The following NTN4 variants were observed in gnomAD, a reference collection of about 807,000 sequenced individuals.
The protein encoded by NTN4 is netrin 4.
A neutral mutation model predicts 73.6 loss-of-function variants in NTN4; 32 were observed. The observed-to-expected ratio is 0.44, with a 90% CI of 0.33 to 0.58. The LOEUF (loss-of-function observed/expected upper bound fraction) is 0.58, where lower values mean the gene tolerates loss of function less well. Ranked by LOEUF, NTN4 falls within the 20% of genes least tolerant of loss-of-function variation. The pLI is 0.04. For synonymous variants in NTN4, 258 were observed against 287.5 expected (o/e 0.90, Z 1.04); for missense variants, 654 against 798.3 (o/e 0.82, Z 2.18).
Position 95,659,150 on chromosome 12 carries a change from A to T in NTN4, c.1823T>A (p.Val608Asp). The change falls in exon 10 of 10, where the codon GTC (valine) becomes GAC (aspartate). Residue 608 changes from valine (V) to aspartate (D), a missense_variant. Val to Asp is a radical substitution (Grantham distance 152). Transcript: ENST00000343702. ...TCCAAGAGAAGGTTTCCAGTGCTGG[A>T]CAAAGCTTTTCATATTCACAATTAG... ...GKLIVNMKSFVQHWKPSLGRK... is the reference protein window; with the variant it reads ...GKLIVNMKSFDQHWKPSLGRK... The T allele has an allele frequency of 6.2e-7, 1 of 1,613,798 alleles. No individual in the cohort carries two copies. Among genetic ancestry groups the T allele is most frequent in the Non-Finnish European group, 8.5e-7 (1 of 1,179,786 alleles).
chr12:95,766,597 C>T (rs1051740132), intron 2 of NTN4, among the ~76,000 whole-genome samples: 9 of 152,178 alleles, frequency 5.9e-5, no homozygotes, highest in African/African-American at 2.2e-4. Context: ...CCTGAACATC[C>T]ATAAATCCTC....
At chr12:95,774,699 T>C (rs769193878) in intron 2 of NTN4, among the ~76,000 whole-genome samples, 13 of 152,258 alleles carry the variant, frequency 8.5e-5, no homozygotes, top group Non-Finnish European at 1.5e-4. Context: ...TCACAAGGTA[T>C]TGAAACACAG....
At chr12:95,720,529 G>A (rs2078639840) in intron 3 of NTN4, among the ~76,000 whole-genome samples, 1 of 152,062 alleles carries the variant, frequency 6.6e-6, no homozygotes, top group Admixed American at 6.6e-5. Context: ...TCCAATAAAC[G>A]TGTATTTTTT....
At position 95,659,116 on chromosome 12, in the gene NTN4, G is replaced by C; in HGVS notation, c.1857C>G (p.Val619=). 1.2e-6 allele frequency: 2 copies of C among 1,613,276 alleles called. No homozygotes were observed. Among genetic ancestry groups the C allele is most frequent in the Non-Finnish European group, 1.7e-6 (2 of 1,179,802 alleles). ...QHWKPSLGRK[V]MDILKRECK ...TGCACTCTCTTTTTAAAATATCCAT[G>C]ACTTTTCTTCCAAGAGAAGGTTTCC... The change falls in exon 10 of 10, where the codon GTC becomes GTG. Residue 619 remains valine (V), a synonymous_variant. Transcript: ENST00000343702.
intron 5 of NTN4, among the ~76,000 whole-genome samples, chr12:95,700,308 C>G (rs12822863): frequency 0.29 from 44,221 of 151,410 alleles, 7,422 homozygotes; most frequent in South Asian, 0.47. Context: ...GACAAGACTG[C>G]TATAAGCAGT....
intron 3 of NTN4, among the ~76,000 whole-genome samples, chr12:95,726,283 T>G (rs1174250460): frequency 2.6e-5 from 4 of 152,312 alleles, no homozygotes; most frequent in East Asian, 1.9e-4. Flanking sequence ...TCATTCCCCC[T>G]TAATTGCTGA....
intron 7 of NTN4, among the ~76,000 whole-genome samples, chr12:95,678,727 C>T (rs1258012988): frequency 6.6e-6 from 1 of 151,940 alleles, no homozygotes; most frequent in African/African-American, 2.4e-5. Context: ...TCCATACATA[C>T]TGGAATCAGT....
intron 5 of NTN4, among the ~76,000 whole-genome samples, chr12:95,702,842 G>GTTT (rs36062868): frequency 3.2e-5 from 4 of 125,570 alleles, no homozygotes; most frequent in East Asian, 2.4e-4. Context: ...GTTTTCAATG[G>GTTT]TTTTTTTTTT....
rs1388867271 is a variant in NTN4, at chr12:95,790,267, C to A, written c.43G>T (p.Val15Leu). ...CGTCACCACCCACCTGCGGCCACCA[C>A]CGTGCAGCCCCAGAGCAGCAGCAGC... ...ARLLLLWGCT[V>L]VAAGLSGVAG... Residue 15 changes from valine to leucine, a missense_variant, in exon 1 of 10, where the codon GTG (valine) becomes TTG (leucine). Transcript: ENST00000343702. The surrounding 1 kb of genome is among the most constrained non-coding windows in gnomAD (Gnocchi z 6.5). 3 of 1,536,452 alleles carry A rather than the reference C, an allele frequency of 2.0e-6. No individual in the cohort carries two copies. In the African/African-American group the frequency reaches 4.2e-5, roughly 22 times the overall value.
At position 95,787,249 on chromosome 12, in the gene NTN4, G is replaced by A. The variant is rs762563540; in HGVS notation, c.275C>T (p.Ser92Phe). 2 of 1,614,218 alleles carry A rather than the reference G, an allele frequency of 1.2e-6. No homozygotes were observed. The highest frequency in any genetic ancestry group is 1.7e-6 in the Non-Finnish European group (2 of 1,180,016). ...AAYPHLAHLP[S>F]AMADSSFRFP... ...CCGGAAGGATGAGTCTGCCATGGCA[G>A]ATGGCAGGTGAGCCAGGTGAGGATA... Residue 92 changes from serine (S) to phenylalanine (F), a missense_variant, in exon 2 of 10, where the codon TCT becomes TTT. Physicochemically the swap from Ser to Phe is radical, Grantham distance 155. Coordinates refer to ENST00000343702, the MANE Select transcript of NTN4 (RefSeq NM_021229.4).
At chr12:95,748,243 A>AG (rs1332263261) in intron 2 of NTN4, among the ~76,000 whole-genome samples, 2 of 149,946 alleles carry the variant, frequency 1.3e-5, no homozygotes, top group African/African-American at 2.4e-5. Context: ...AAAAAAAAAA[A>AG]AAAAAGAAAA....
At chr12:95,685,651 TA>T (rs1459568669) in intron 5 of NTN4, among the ~76,000 whole-genome samples, 1 of 152,226 alleles carries the variant, frequency 6.6e-6, no homozygotes, top group African/African-American at 2.4e-5. Flanking sequence ...TTTTATTGAT[TA>T]TTTTTCCTTT....
chr12:95,774,115 A>G (rs1362476576), intron 2 of NTN4, among the ~76,000 whole-genome samples: 1 of 151,976 alleles, frequency 6.6e-6, no homozygotes, highest in African/African-American at 2.4e-5. Context: ...TTATCAGTAG[A>G]CTATATGTTG....
chr12:95,673,180 G>A (rs570423054), intron 7 of NTN4: 15 of 549,548 alleles, frequency 2.7e-5, no homozygotes, highest in African/African-American at 2.5e-4. Flanking sequence ...ATCTTGAGCT[G>A]TAGCTGCAGA....
intron 7 of NTN4, chr12:95,673,418 G>A (rs1383906373): frequency 4.9e-6 from 1 of 204,116 alleles, no homozygotes; most frequent in Non-Finnish European, 1.0e-5. Context: ...TGACCAATGA[G>A]GAGAAGCAAG....
At chr12:95,739,327 C>G (rs1045179297) in intron 2 of NTN4, among the ~76,000 whole-genome samples, 7 of 152,096 alleles carry the variant, frequency 4.6e-5, no homozygotes, top group African/African-American at 1.7e-4. Context: ...ATTTGTATTT[C>G]TAGCTATTTT....
rs530401060 is a variant in NTN4 at position 95,741,125 on chromosome 12, G to A, written c.586-2981C>T. Among the ~76,000 whole-genome samples, 4 of 152,090 alleles carry A rather than the reference G, an allele frequency of 2.6e-5. No homozygotes were observed. The East Asian group carries it at 7.8e-4, about 29-fold the overall frequency. On this transcript the variant is annotated intron_variant, in intron 2 of 9. Coordinates refer to ENST00000343702, the MANE Select transcript of NTN4 (RefSeq NM_021229.4). ...CAGCTTTTCAGTGTAACCCACTGCA[G>A]GGAACAACCTTGTAGCTAAAATGTG... is the stretch of plus-strand genomic sequence containing the variant.
intron 5 of NTN4, among the ~76,000 whole-genome samples, chr12:95,691,638 A>T (rs1159850879): frequency 2.6e-5 from 4 of 152,072 alleles, no homozygotes; most frequent in Non-Finnish European, 4.4e-5. Context: ...CAAGTGATCC[A>T]CCTGCCTCAG....
intron 4 of NTN4, among the ~76,000 whole-genome samples, chr12:95,712,628 G>A (rs2078572321): frequency 6.6e-6 from 1 of 152,040 alleles, no homozygotes; most frequent in African/African-American, 2.4e-5. Context: ...TAGAGACAGA[G>A]TTTCCCTCTG....
Sources: gnomAD v4.1 joint callset for allele counts (sites outside exome capture counted in the v4.1 genomes callset) on GRCh38, gnomAD v4.1.1 for gene constraint, Gnocchi (gnomAD v3.1) non-coding constraint, MANE v1.5 for transcripts, NCBI Gene and HGNC (gene_info 2026-07-23, HGNC 2026-07-21) for gene names.